The following MAPK8IP3 variants were observed in gnomAD, a reference collection of about 807,000 sequenced individuals.
MAPK8IP3 encodes the protein mitogen-activated protein kinase 8 interacting protein 3.
MAPK8IP3 carries 49 observed loss-of-function variants against 157.8 expected under a neutral mutation model. The ratio of observed to expected loss-of-function variants is 0.31; its 90% CI spans 0.25 to 0.39. MAPK8IP3 has a LOEUF of 0.39. Ranked by LOEUF, MAPK8IP3 falls within the 10% of genes least tolerant of loss-of-function variation. The pLI, the probability that MAPK8IP3 is intolerant of heterozygous loss-of-function variation, is 1.00. For synonymous variants in MAPK8IP3, 897 were observed against 777.7 expected (o/e 1.15, Z -2.55); for missense variants, 1,478 against 1,889.4 (o/e 0.78, Z 4.04).
rs749001611 is a variant in MAPK8IP3, at chr16:1,748,935, G to A, written c.1216+215G>A. On this transcript the variant is annotated intron_variant, in intron 8 of 31. Transcript: ENST00000610761. The stretch of plus-strand genomic sequence containing the variant: ...TGCCCCAAGGATGCCAAAATCTGAG[G>A]CTTCTCAAGTCCCTGCTCTGAAGTG... 5 of 703,292 alleles carry A rather than the reference G, an allele frequency of 7.1e-6. No homozygotes were observed. In the East Asian group the frequency reaches 8.3e-5, roughly 12 times the overall value. The allele number at this position is 703,292 out of a possible 1,614,324, so 43.6% of individuals were successfully genotyped here. A position where few individuals can be genotyped will look rare whatever the true frequency, so the allele number is the denominator to read the frequency against.
intron 4 of MAPK8IP3, among the ~76,000 whole-genome samples, chr16:1,734,285 G>C (rs897187339): frequency 3.9e-5 from 6 of 152,260 alleles, no homozygotes; most frequent in African/African-American, 1.4e-4. Flanking sequence ...GGGGGCGACA[G>C]AGGGGCAGGG....
Position 1,766,278 on chromosome 16 carries a change from C to T in MAPK8IP3, c.2688C>T (p.Ala896=). The part of the protein sequence containing the change: ...KVNPSQSTEE[A]TEATEVPDPG... ...ACCCGTCCCAGTCCACAGAGGAGGC[C>T]ACAGAGGCCACGGAGGTGCCAGACC... Residue 896 remains alanine (A), a synonymous_variant, in exon 22 of 32, where the codon GCC becomes GCT. Coordinates refer to ENST00000610761, the MANE Select transcript of MAPK8IP3 (RefSeq NM_001318852.2). The T allele has an allele frequency of 6.2e-7, 1 of 1,612,658 alleles. No individual in the cohort carries two copies. The highest frequency in any genetic ancestry group is 8.5e-7 in the Non-Finnish European group (1 of 1,179,986).
chr16:1,769,809 C>T lies in MAPK8IP3; in HGVS notation c.*985C>T, dbSNP rs1004592700. 2.0e-5 allele frequency: 3 copies of T among 152,406 alleles called. No individual in the cohort carries two copies. The highest frequency in any genetic ancestry group is 2.9e-5 in the Non-Finnish European group (2 of 68,096). 9.4% of individuals were successfully genotyped at this position (152,406 alleles called of 1,614,324 possible). Reference sequence around the variant, plus strand: ...AGCTCCCAGACACGCTACTAAGTGCCTAGGGTTGCCCGCTGTGGCCTGCTT... The same window carrying T: ...AGCTCCCAGACACGCTACTAAGTGCTTAGGGTTGCCCGCTGTGGCCTGCTT... On this transcript the variant is annotated 3_prime_UTR_variant, in exon 32 of 32. Coordinates refer to ENST00000610761, the MANE Select transcript of MAPK8IP3 (RefSeq NM_001318852.2).
At position 1,742,132 on chromosome 16, in the gene MAPK8IP3, G is replaced by A. The variant is rs2040719340; in HGVS notation, c.603-1200G>A. Among the ~76,000 whole-genome samples, 1 of 152,200 alleles carries A rather than the reference G, an allele frequency of 6.6e-6. No individual in the cohort carries two copies. The highest frequency in any genetic ancestry group is 1.5e-5 in the Non-Finnish European group (1 of 68,034). On this transcript the variant is annotated intron_variant, in intron 4 of 31. Coordinates refer to ENST00000610761, the MANE Select transcript of MAPK8IP3 (RefSeq NM_001318852.2). This position sits in a 1 kb window ranked among gnomAD's most constrained non-coding sequence, Gnocchi z 5.0. ...TTCTTGTCCTGAATAGCCCTGAGCA[G>A]TGTGGGCTCCAGCATCTGACCACGT... is the stretch of plus-strand genomic sequence containing the variant.
At chr16:1,727,484 T>C (rs1244898248) in intron 2 of MAPK8IP3, among the ~76,000 whole-genome samples, 1 of 152,074 alleles carries the variant, frequency 6.6e-6, no homozygotes, top group African/African-American at 2.4e-5. Flanking sequence ...ACATCGTGTG[T>C]CAGGTGCAGC....
intron 1 of MAPK8IP3, among the ~76,000 whole-genome samples, chr16:1,718,078 C>A (rs901131423): frequency 1.3e-5 from 2 of 152,056 alleles, no homozygotes; most frequent in Non-Finnish European, 2.9e-5. Context: ...TGGTCTCGAT[C>A]TCCTGACCTC....
chr16:1,752,371 A>G (rs2041342788), intron 8 of MAPK8IP3: 1 of 252,784 alleles, frequency 4.0e-6, no homozygotes, highest in Non-Finnish European at 8.1e-6. Flanking sequence ...CGCCGAGCTC[A>G]GGCTGGCACG....
chr16:1,736,166 GCGTCCGTGTGAGCGTGTGAC>G (rs2039776710), intron 4 of MAPK8IP3, among the ~76,000 whole-genome samples: 1 of 122,580 alleles, frequency 8.2e-6, no homozygotes, highest in African/African-American at 3.2e-5. Flanking sequence ...GTCCGTGTGA[GCGTCCGTGTGAGCGTGTGAC>G]CGTCCGTGTG....
chr16:1,729,307 T>C, intron 3 of MAPK8IP3, 99 bp downstream of exon 3: 1 of 1,415,250 alleles, frequency 7.1e-7, no homozygotes, highest in Non-Finnish European at 9.9e-7. Flanking sequence ...CCCTGGCATG[T>C]CCCTTTTCTA....
chr16:1,727,339 C>G (rs115914722), intron 2 of MAPK8IP3, among the ~76,000 whole-genome samples: 1 of 147,944 alleles, frequency 6.8e-6, no homozygotes, highest in Admixed American at 6.7e-5. Context: ...CTGTGTGAGT[C>G]GTGTGCTGTG....
intron 8 of MAPK8IP3, chr16:1,752,458 G>T: frequency 2.8e-6 from 1 of 353,370 alleles, no homozygotes; most frequent in Non-Finnish European, 5.6e-6. Flanking sequence ...AGAAAGGCAG[G>T]GAGGCCAGGC....
Position 1,766,795 on chromosome 16 carries a change from G to A in MAPK8IP3, c.3012G>A (p.Leu1004=). The A allele has an allele frequency of 6.2e-7, 1 of 1,612,734 alleles. No homozygotes were observed. Among genetic ancestry groups the A allele is most frequent in the South Asian group, 1.1e-5 (1 of 91,090 alleles). The change falls in exon 24 of 32, where the codon CTG becomes CTA. Residue 1004 remains leucine (L), a synonymous_variant. Coordinates refer to ENST00000610761, the MANE Select transcript of MAPK8IP3 (RefSeq NM_001318852.2). ...LHSIKLKDSV[L]SLVHVKGRVL... ...CCATCAAGCTGAAGGATTCTGTGCT[G>A]AGCCTGGTGTGGGTGACCCCAGACC... is the stretch of plus-strand genomic sequence containing the variant.
chr16:1,706,849 T>G lies in MAPK8IP3; in HGVS notation c.318+192T>G, dbSNP rs1335765951. ...CCCGCCCCGGGACTTCCCCACCCCCTCTGCCCGCCGTGAGACACCTCCCTA... is the reference window on the plus strand; with the variant it reads ...CCCGCCCCGGGACTTCCCCACCCCCGCTGCCCGCCGTGAGACACCTCCCTA... On this transcript the variant is annotated intron_variant, in intron 1 of 31. Coordinates refer to ENST00000610761, the MANE Select transcript of MAPK8IP3 (RefSeq NM_001318852.2). The surrounding 1 kb of genome is among the most constrained non-coding windows in gnomAD (Gnocchi z 5.1). 1.8e-4 allele frequency among the ~76,000 whole-genome samples: 1 copy of G among 5,576 alleles called. No individual in the cohort carries two copies. The highest frequency in any genetic ancestry group is 7.5e-4 in the African/African-American group (1 of 1,342). The allele number at this position is 5,576 out of a possible 152,430, so 3.7% of individuals were successfully genotyped here.
At position 1,757,071 on chromosome 16, in the gene MAPK8IP3, G is replaced by A. The variant is rs565964207; in HGVS notation, c.1217-1077G>A. ...GGAATTGCTTTATTATTGGAATTCC[G>A]ATAACAAACAGCCGTTTTGTCATCT... On this transcript the variant is annotated intron_variant, in intron 8 of 31. Transcript: ENST00000610761. Among the ~76,000 whole-genome samples the A allele has an allele frequency of 1.5e-4, 23 of 152,250 alleles. 1 individual carries two copies. The highest frequency in any genetic ancestry group is 1.2e-3 in the Admixed American group (19 of 15,292).
At chr16:1,762,533 G>C in intron 14 of MAPK8IP3, 52 bp downstream of exon 14, 2 of 1,604,238 alleles carry the variant, frequency 1.2e-6, no homozygotes, top group Non-Finnish European at 1.7e-6. Context: ...CCTGACGGCA[G>C]GACTGCGGCT....
intron 16 of MAPK8IP3, among the ~76,000 whole-genome samples, chr16:1,763,358 C>T (rs561662124): frequency 6.6e-6 from 1 of 152,386 alleles, no homozygotes; most frequent in East Asian, 1.9e-4. Flanking sequence ...GGCGGCACTC[C>T]AGGTCCCGGT....
At position 1,741,287 on chromosome 16, in the gene MAPK8IP3, G is replaced by A. The variant is rs568823363; in HGVS notation, c.603-2045G>A. On this transcript the variant is annotated intron_variant, in intron 4 of 31. Coordinates refer to ENST00000610761, the MANE Select transcript of MAPK8IP3 (RefSeq NM_001318852.2). This position sits in a 1 kb window ranked among gnomAD's most constrained non-coding sequence, Gnocchi z 6.9. ...ACAAATCGGGAGGACGGGGTCAGTCGGCAAACGCTCACGAGCCTGAGGCCA... is the reference window on the plus strand; with the variant it reads ...ACAAATCGGGAGGACGGGGTCAGTCAGCAAACGCTCACGAGCCTGAGGCCA... 2.6e-5 allele frequency among the ~76,000 whole-genome samples: 4 copies of A among 152,300 alleles called. No individual in the cohort carries two copies. Among genetic ancestry groups the A allele is most frequent in the African/African-American group, 7.2e-5 (3 of 41,564 alleles).
intron 9 of MAPK8IP3, 61 bp from the exon 10 acceptor site, chr16:1,758,917 C>G (rs2041774080): frequency 1.3e-5 from 21 of 1,587,858 alleles, no homozygotes; most frequent in Non-Finnish European, 1.7e-5. Flanking sequence ...TCTTCTCTCC[C>G]TTTCTCCCTC....
At chr16:1,757,210 C>G (rs2041655060) in intron 8 of MAPK8IP3, among the ~76,000 whole-genome samples, 1 of 152,032 alleles carries the variant, frequency 6.6e-6, no homozygotes, top group Admixed American at 6.6e-5. Flanking sequence ...GGTTCAGCCA[C>G]TCTCCTGCCT....
Sources: gnomAD v4.1 joint callset for allele counts (sites outside exome capture counted in the v4.1 genomes callset) on GRCh38, gnomAD v4.1.1 for gene constraint, Gnocchi (gnomAD v3.1) non-coding constraint, MANE v1.5 for transcripts, NCBI Gene and HGNC (gene_info 2026-07-23, HGNC 2026-07-21) for gene names.